The following TAPT1 variants were observed in gnomAD, a reference collection of about 807,000 sequenced individuals.
The protein encoded by TAPT1 is transmembrane anterior posterior transformation protein 1 homolog.
Under a neutral mutation model 65.6 loss-of-function variants are expected in TAPT1, and 28 were observed. The observed-to-expected ratio is 0.43, with a 90% CI of 0.32 to 0.59. The LOEUF (loss-of-function observed/expected upper bound fraction) is 0.59, where lower values mean the gene tolerates loss of function less well. Among genes scored for constraint, TAPT1 ranks in the 20% least tolerant of loss-of-function variants. The pLI, the probability that TAPT1 is intolerant of heterozygous loss-of-function variation, is 0.09. For missense variants in TAPT1, 563 were observed against 679.9 expected (o/e 0.83, Z 1.91); for synonymous variants, 278 against 245.2 (o/e 1.13, Z -1.25).
chr4:16,199,931 C>G (rs1024138586), intron 3 of TAPT1, among the ~76,000 whole-genome samples: 2 of 152,046 alleles, frequency 1.3e-5, no homozygotes, highest in African/African-American at 4.8e-5. Context: ...CCCTGTACCC[C>G]CACGTAACAG....
intron 1 of TAPT1, among the ~76,000 whole-genome samples, chr4:16,215,618 T>A (rs1468469753): frequency 6.6e-6 from 1 of 152,214 alleles, no homozygotes; most frequent in Non-Finnish European, 1.5e-5. Flanking sequence ...TTTGCCAGCC[T>A]CACGCAACAG....
chr4:16,188,368 A>AT lies in TAPT1; in HGVS notation c.613-14dup, dbSNP rs774732995. 1.7e-4 allele frequency: 267 copies of AT among 1,530,652 alleles called. No individual in the cohort carries two copies. Among genetic ancestry groups the AT allele is most frequent in the South Asian group, 2.6e-4 (20 of 78,342 alleles). 94.8% of individuals were successfully genotyped at this position (1,530,652 alleles called of 1,614,324 possible). ...GACGATCAGCTACCTAAAAAAAAAA[A>AT]TTATTTGTAAGATGTTTCTTAATAT... On this transcript the variant is annotated splice_polypyrimidine_tract_variant and intron_variant, in intron 4 of 13. Coordinates refer to ENST00000405303, the MANE Select transcript of TAPT1 (RefSeq NM_153365.3).
intron 13 of TAPT1, among the ~76,000 whole-genome samples, chr4:16,165,696 A>G (rs1052671920): frequency 1.3e-5 from 2 of 152,038 alleles, no homozygotes; most frequent in African/African-American, 4.8e-5. Flanking sequence ...AAATCTTCCA[A>G]CCCAGAAACC....
At chr4:16,225,295 A>T (rs1751483210) in intron 1 of TAPT1, among the ~76,000 whole-genome samples, 1 of 152,264 alleles carries the variant, frequency 6.6e-6, no homozygotes, top group African/African-American at 2.4e-5. Context: ...ACTCAAGTAC[A>T]ATCAATGATG....
chr4:16,162,847 C>T lies in TAPT1; in HGVS notation c.*461G>A. ...TGACTTATGTTTAATTTTTTTAATG[C>T]TTTGGCAGATGAAGTAACGTTTGAA... On this transcript the variant is annotated 3_prime_UTR_variant, in exon 14 of 14. Transcript: ENST00000405303. 6.0e-6 allele frequency: 2 copies of T among 336,066 alleles called. No individual in the cohort carries two copies. Among genetic ancestry groups the T allele is most frequent in the Non-Finnish European group, 6.2e-6 (1 of 161,870 alleles). The allele number at this position is 336,066 out of a possible 1,614,324, so 20.8% of individuals were successfully genotyped here. A position where few individuals can be genotyped will look rare whatever the true frequency, so the allele number is the denominator to read the frequency against.
At chr4:16,166,952 T>A in intron 12 of TAPT1, 159 bp from the exon 13 acceptor site, 1 of 510,124 alleles carries the variant, frequency 2.0e-6, no homozygotes. Flanking sequence ...TTCTGAGGCC[T>A]CCTTGTCACA....
At chr4:16,167,029 C>T (rs1747685772) in intron 12 of TAPT1, among the ~76,000 whole-genome samples, 1 of 133,570 alleles carries the variant, frequency 7.5e-6, no homozygotes, top group African/African-American at 2.8e-5. Flanking sequence ...GAGTCTCACT[C>T]TGTCACCCAG....
At position 16,163,304 on chromosome 4, in the gene TAPT1, A is replaced by G; in HGVS notation, c.*4T>C. The G allele has an allele frequency of 6.2e-7, 1 of 1,611,826 alleles. No individual in the cohort carries two copies. Among genetic ancestry groups the G allele is most frequent in the East Asian group, 2.2e-5 (1 of 44,876 alleles). On this transcript the variant is annotated 3_prime_UTR_variant, in exon 14 of 14. Transcript: ENST00000405303. ...CAGCTTCTTCAGCGCATGAAGCCACAGATTCAGTCAATTCGGTTTCCACAA... is the reference window on the plus strand; with the variant it reads ...CAGCTTCTTCAGCGCATGAAGCCACGGATTCAGTCAATTCGGTTTCCACAA...
chr4:16,223,732 T>C (rs141889030), intron 1 of TAPT1, among the ~76,000 whole-genome samples: 233 of 152,288 alleles, frequency 1.5e-3, no homozygotes, highest in Non-Finnish European at 2.6e-3. Flanking sequence ...CAGACAAATA[T>C]ACATATCTAG....
At chr4:16,180,569 T>G (rs1191183021) in intron 7 of TAPT1, among the ~76,000 whole-genome samples, 1 of 152,174 alleles carries the variant, frequency 6.6e-6, no homozygotes, top group Non-Finnish European at 1.5e-5. Flanking sequence ...ATGGCGCACC[T>G]CCTGTAAGCG....
intron 4 of TAPT1, 37 bp downstream of exon 4, chr4:16,191,324 C>A (rs1332844237): frequency 6.4e-7 from 1 of 1,563,174 alleles, no homozygotes; most frequent in East Asian, 2.3e-5. Context: ...AGCTGAGTGC[C>A]CTGGCCAGGC....
In TAPT1 at chr4:16,162,508, A is replaced by T. The variant is rs1204185333; in HGVS notation, c.*800T>A. The T allele has an allele frequency of 6.5e-6, 1 of 152,882 alleles. No individual in the cohort carries two copies. Among genetic ancestry groups the T allele is most frequent in the Admixed American group, 6.5e-5 (1 of 15,296 alleles). The allele number at this position is 152,882 out of a possible 1,614,324, so 9.5% of individuals were successfully genotyped here. A position where few individuals can be genotyped will look rare whatever the true frequency, so the allele number is the denominator to read the frequency against. On this transcript the variant is annotated 3_prime_UTR_variant, in exon 14 of 14. Coordinates refer to ENST00000405303, the MANE Select transcript of TAPT1 (RefSeq NM_153365.3). ...AGTTTTAAAGCAAAATCAGTTAAGT[A>T]TACCTTAAAGTTAACACTGCTCTGC...
intron 2 of TAPT1, among the ~76,000 whole-genome samples, chr4:16,206,623 G>A (rs900629366): frequency 2.6e-5 from 4 of 152,024 alleles, no homozygotes; most frequent in African/African-American, 9.7e-5. Flanking sequence ...TGGTCAGCAC[G>A]AAGCACCACA....
chr4:16,167,479 C>T (rs773724214), intron 12 of TAPT1, among the ~76,000 whole-genome samples: 10 of 152,072 alleles, frequency 6.6e-5, no homozygotes, highest in South Asian at 2.1e-4. Flanking sequence ...GTTATCTTTC[C>T]GTCGCTTTCT....
At chr4:16,222,216 G>C (rs552005390) in intron 1 of TAPT1, among the ~76,000 whole-genome samples, 1 of 152,204 alleles carries the variant, frequency 6.6e-6, no homozygotes, top group Non-Finnish European at 1.5e-5. Context: ...GAATTTCAGA[G>C]CGTAAACTAA....
At chr4:16,173,649 G>A (rs145293560) in intron 11 of TAPT1, among the ~76,000 whole-genome samples, 127 of 152,280 alleles carry the variant, frequency 8.3e-4, no homozygotes, top group African/African-American at 2.9e-3. Flanking sequence ...TAGAGAATAT[G>A]TCTTCATTTG....
chr4:16,217,320 A>G (rs1255910671), intron 1 of TAPT1, among the ~76,000 whole-genome samples: 1 of 152,258 alleles, frequency 6.6e-6, no homozygotes, highest in Non-Finnish European at 1.5e-5. Flanking sequence ...TATACAGGTC[A>G]GAGGAGAAGA....
intron 5 of TAPT1, among the ~76,000 whole-genome samples, 154 bp from the exon 6 acceptor site, chr4:16,187,032 T>C (rs914795142): frequency 6.6e-6 from 1 of 152,190 alleles, no homozygotes; most frequent in African/African-American, 2.4e-5. Context: ...TTAGCTATAG[T>C]TGATATAAGT....
intron 11 of TAPT1, among the ~76,000 whole-genome samples, chr4:16,173,457 C>T (rs1033211996): frequency 5.3e-5 from 8 of 151,780 alleles, no homozygotes; most frequent in Non-Finnish European, 5.9e-5. Flanking sequence ...CTTGCTCTTT[C>T]GCCCAGGCTG....
Sources: gnomAD v4.1 joint callset for allele counts (sites outside exome capture counted in the v4.1 genomes callset) on GRCh38, gnomAD v4.1.1 for gene constraint, MANE v1.5 for transcripts, NCBI Gene and HGNC (gene_info 2026-07-23, HGNC 2026-07-21) for gene names.